The following CDH3 variants were observed in gnomAD, a reference collection of about 807,000 sequenced individuals.
CDH3 encodes the protein cadherin 3.
A neutral mutation model predicts 82.0 loss-of-function variants in CDH3; 54 were observed. That is an observed-to-expected ratio of 0.66 (90% CI 0.53 to 0.83). The LOEUF (loss-of-function observed/expected upper bound fraction) is 0.83. Among genes scored for constraint, CDH3 ranks in the 40% least tolerant of loss-of-function variants. The pLI, the probability that CDH3 is intolerant of heterozygous loss-of-function variation, is 0.00. For synonymous variants in CDH3, 446 were observed against 437.9 expected (o/e 1.02, Z -0.23); for missense variants, 1,054 against 1,084.6 (o/e 0.97, Z 0.40).
chr16:68,718,959 C>T (rs879728171), intron 1 of CDH3, among the ~76,000 whole-genome samples: 5 of 152,096 alleles, frequency 3.3e-5, no homozygotes, highest in Non-Finnish European at 5.9e-5. Context: ...AAAAACGGGG[C>T]CGGGCGCGGT....
In CDH3 at chr16:68,645,712, G is replaced by C; in HGVS notation, c.122G>C (p.Gly41Ala). 2 of 1,545,772 alleles carry C rather than the reference G, an allele frequency of 1.3e-6. No individual in the cohort carries two copies. Among genetic ancestry groups the C allele is most frequent in the Non-Finnish European group, 1.7e-6 (2 of 1,146,522 alleles). The change falls in exon 2 of 16, where the codon GGA becomes GCA. Residue 41 changes from glycine to alanine, a missense_variant. Transcript: ENST00000264012. ...GAGGCTGAAGTGACCTTGGAGGCGG[G>C]AGGCGCGGAGCAGGAGCCCGGCCAG... ...FREAEVTLEA[G>A]GAEQEPGQAL...
chr16:68,685,324 A>G lies in CDH3; in HGVS notation c.1544A>G (p.Glu515Gly). 6.2e-7 allele frequency: 1 copy of G among 1,614,138 alleles called. No individual in the cohort carries two copies. Among genetic ancestry groups the G allele is most frequent in the Non-Finnish European group, 8.5e-7 (1 of 1,180,028 alleles). ...CAGTTTGTGAGGAACAACATCTATGAAGTCATGGTCTTGGCCATGGACAAT... is the reference window on the plus strand; with the variant it reads ...CAGTTTGTGAGGAACAACATCTATGGAGTCATGGTCTTGGCCATGGACAAT... ...DEQFVRNNIYEVMVLAMDNGS... is the reference protein window; with the variant it reads ...DEQFVRNNIYGVMVLAMDNGS... The change falls in exon 11 of 16, where the codon GAA becomes GGA. Residue 515 changes from glutamate to glycine, a missense_variant. Coordinates refer to ENST00000264012, the MANE Select transcript of CDH3 (RefSeq NM_001793.6).
intron 1 of CDH3, among the ~76,000 whole-genome samples, chr16:68,713,106 A>G (rs1462527735): frequency 6.6e-6 from 1 of 151,554 alleles, no homozygotes; most frequent in Non-Finnish European, 1.5e-5. Context: ...CTGTGTCTCT[A>G]TGGAAATGAA....
At position 68,669,054 on chromosome 16, in the gene CDH3, C is replaced by G. The variant is rs143013235; in HGVS notation, c.161-7331C>G. 2.0e-5 allele frequency among the ~76,000 whole-genome samples: 3 copies of G among 152,284 alleles called. No homozygotes were observed. The East Asian group carries it at 5.8e-4, about 29-fold the overall frequency. ...TAAGTGACATTATAGGGATTGGAAT[C>G]CAAGTCTTCTGGACTCCAAATTTCG... On this transcript the variant is annotated intron_variant, in intron 2 of 15. Coordinates refer to ENST00000264012, the MANE Select transcript of CDH3 (RefSeq NM_001793.6).
chr16:68,673,504 G>T (rs1362954996), intron 2 of CDH3, among the ~76,000 whole-genome samples: 3 of 147,808 alleles, frequency 2.0e-5, no homozygotes, highest in Non-Finnish European at 4.4e-5. Flanking sequence ...AAAGGGTCTT[G>T]CTGGAGTACA....
chr16:68,701,585 C>G (rs925949607), downstream of CDH3, among the ~76,000 whole-genome samples: 4 of 151,268 alleles, frequency 2.6e-5, no homozygotes, highest in African/African-American at 9.7e-5. Context: ...TCACTCTCCC[C>G]CCGGGGCTAG....
chr16:68,696,111 T>G, intron 15 of CDH3, 188 bp downstream of exon 15: 1 of 687,628 alleles, frequency 1.5e-6, no homozygotes, highest in Non-Finnish European at 2.6e-6. Flanking sequence ...AGAACTCACT[T>G]GCAGAGTGGT....
downstream of CDH3, among the ~76,000 whole-genome samples, chr16:68,701,405 G>A (rs906150465): frequency 2.6e-5 from 4 of 152,176 alleles, no homozygotes; most frequent in Admixed American, 2.0e-4. Flanking sequence ...AGACACCAGC[G>A]CTAACCACGC....
intron 2 of CDH3, chr16:68,651,740 G>A (rs1960254324): frequency 2.0e-6 from 1 of 508,532 alleles, no homozygotes; most frequent in African/African-American, 2.0e-5. Flanking sequence ...TGATCTAGGG[G>A]ACTGAGCCTG....
intron 1 of CDH3, among the ~76,000 whole-genome samples, chr16:68,722,261 G>A (rs1962173269): frequency 6.6e-6 from 1 of 152,200 alleles, no homozygotes; most frequent in Non-Finnish European, 1.5e-5. Context: ...CTAGGTGCCA[G>A]TGAGTGTTTA....
At chr16:68,703,566 G>A (rs1192764740), downstream of CDH3, among the ~76,000 whole-genome samples, 2 of 152,196 alleles carry the variant, frequency 1.3e-5, no homozygotes, top group Admixed American at 1.3e-4. Context: ...AATCCCCCCA[G>A]CAGAGTACAA....
chr16:68,687,731 A>AG lies in CDH3; in HGVS notation c.1792dup (p.Glu598GlyfsTer3). ...ATCTACTGGACGGCAGAGGTCAACGAGGAAGGTACCTGAGTGAGTGGTGGT... is the reference window on the plus strand; with the variant it reads ...ATCTACTGGACGGCAGAGGTCAACGAGGGAAGGTACCTGAGTGAGTGGTGGT... On this transcript the variant is annotated frameshift_variant, in exon 12 of 16. Coordinates refer to ENST00000264012, the MANE Select transcript of CDH3 (RefSeq NM_001793.6). LOFTEE classifies it high-confidence loss of function. The AG allele has an allele frequency of 6.2e-7, 1 of 1,613,044 alleles. No homozygotes were observed. Among genetic ancestry groups the AG allele is most frequent in the East Asian group, 2.2e-5 (1 of 44,834 alleles).
At chr16:68,723,041 C>A (rs890626117) in intron 2 of CDH3, among the ~76,000 whole-genome samples, 1 of 103,614 alleles carries the variant, frequency 9.7e-6, no homozygotes, top group African/African-American at 3.2e-5. Flanking sequence ...TGATCCGCTG[C>A]CTCTATTACT....
At chr16:68,697,134 C>T (rs1191262328) in intron 15 of CDH3, among the ~76,000 whole-genome samples, 1 of 151,596 alleles carries the variant, frequency 6.6e-6, no homozygotes, top group Non-Finnish European at 1.5e-5. Context: ...ACTATCCTGG[C>T]CAACATGGTA....
chr16:68,661,840 C>T (rs1960589159), intron 2 of CDH3, among the ~76,000 whole-genome samples: 1 of 152,206 alleles, frequency 6.6e-6, no homozygotes, highest in Admixed American at 6.5e-5. Context: ...AGGCACCTGC[C>T]AGCACACCTG....
intron 2 of CDH3, among the ~76,000 whole-genome samples, chr16:68,660,015 C>T (rs2152093006): frequency 6.6e-6 from 1 of 152,240 alleles, no homozygotes; most frequent in South Asian, 2.1e-4. Flanking sequence ...ATTTATTTAG[C>T]CAGTCTTCTA....
At chr16:68,662,864 GTTTTT>G (rs144098456) in intron 2 of CDH3, among the ~76,000 whole-genome samples, 20 of 67,792 alleles carry the variant, frequency 3.0e-4, no homozygotes, top group African/African-American at 3.5e-4. Context: ...ATTTTTTAAA[GTTTTT>G]TTTTTTTTTT....
rs974031988 is a variant in CDH3, at chr16:68,714,962, G to T, written c.100-7463G>T. On this transcript the variant is annotated intron_variant, in intron 1 of 2. Coordinates refer to the CDH3 transcript ENST00000569080. Reference sequence around the variant, plus strand: ...TTGAGGCTGGCAGTGAGCTATGATTGGGCCACTGCACTCTAGCCTGGGCGA... The same window carrying T: ...TTGAGGCTGGCAGTGAGCTATGATTTGGCCACTGCACTCTAGCCTGGGCGA... Among the ~76,000 whole-genome samples, 3 of 151,846 alleles carry T rather than the reference G, an allele frequency of 2.0e-5. No homozygotes were observed. The East Asian group carries it at 5.8e-4, about 30-fold the overall frequency.
intron 1 of CDH3, among the ~76,000 whole-genome samples, chr16:68,715,371 G>A (rs1962081519): frequency 6.6e-6 from 1 of 151,476 alleles, no homozygotes; most frequent in African/African-American, 2.4e-5. Context: ...AGGTTGCAGT[G>A]AGCCAAGATG....
Sources: allele counts gnomAD v4.1 joint callset (sites outside exome capture counted in the v4.1 genomes callset), GRCh38; gene constraint gnomAD v4.1.1; transcripts MANE v1.5; gene names NCBI Gene and HGNC (gene_info 2026-07-23, HGNC 2026-07-21).